TUBA4B: variants seen among roughly 807,000 people sequenced by gnomAD.
TUBA4B encodes tubulin alpha 4b, also known as tubulin-like protein alpha-4B.
In TUBA4B, 13 loss-of-function variants were observed where a neutral mutation model predicts 18.4. That is an observed-to-expected ratio of 0.71 (90% CI 0.46 to 1.12). The LOEUF is 1.12. TUBA4B is among the 50% of genes most tolerant of loss of function. TUBA4B has a pLI of 0.00. For synonymous variants in TUBA4B, 101 were observed against 99.1 expected (o/e 1.02, Z -0.11); for missense variants, 244 against 250.0 (o/e 0.98, Z 0.16).
intron 1 of TUBA4B, among the ~76,000 whole-genome samples, chr2:219,263,523 G>A (rs1382178556): frequency 6.6e-6 from 1 of 152,202 alleles, no homozygotes; most frequent in Non-Finnish European, 1.5e-5. Context: ...TTTGGAGTTG[G>A]TGATACCTAG....
intron 1 of TUBA4B, among the ~76,000 whole-genome samples, chr2:219,255,852 G>A (rs952941658): frequency 2.6e-5 from 4 of 152,138 alleles, no homozygotes; most frequent in African/African-American, 9.7e-5. Context: ...ACTAGTGATG[G>A]CAACTCTCTA....
intron 1 of TUBA4B, chr2:219,254,698 C>G (rs992335668): frequency 1.3e-5 from 2 of 152,364 alleles, no homozygotes; most frequent in East Asian, 3.9e-4. Flanking sequence ...GACCTCAGGA[C>G]CTGGATTCTC....
In TUBA4B at chr2:219,257,260, C is replaced by T. The variant is rs113969010; in HGVS notation, c.12+3841C>T. ...GTTTCACAGTGTTAGCCAGGATGGT[C>T]TCGATCTCCTGACCTCGTGATCCAC... On this transcript the variant is annotated intron_variant, in intron 1 of 3. Coordinates refer to ENST00000490341, the MANE Select transcript of TUBA4B (RefSeq NM_001355221.1). Among the ~76,000 whole-genome samples, 796 of 150,366 alleles carry T rather than the reference C, an allele frequency of 5.3e-3. 11 individuals carry two copies. The highest frequency in any genetic ancestry group is 0.018 in the African/African-American group (745 of 40,986).
intron 1 of TUBA4B, chr2:219,253,930 T>A: frequency 9.9e-7 from 1 of 1,008,052 alleles, no homozygotes; most frequent in Non-Finnish European, 1.3e-6. Context: ...CTAGCTGCAG[T>A]GCCGCACCGC....
At chr2:219,258,298 GTTTGT>G (rs1553572130) in intron 1 of TUBA4B, among the ~76,000 whole-genome samples, 4 of 151,638 alleles carry the variant, frequency 2.6e-5, no homozygotes, top group South Asian at 2.1e-4. Flanking sequence ...GCCTCATTTT[GTTTGT>G]TTTGTTTTGT....
chr2:219,257,641 C>CAAA (rs1158116997), intron 1 of TUBA4B, among the ~76,000 whole-genome samples: 10 of 41,492 alleles, frequency 2.4e-4, no homozygotes, highest in African/African-American at 6.8e-4. Context: ...GACACTGTCT[C>CAAA]AAAAAAAAAA....
At position 219,266,541 on chromosome 2, in the gene TUBA4B, C is replaced by A. The variant is rs1223038262; in HGVS notation, c.33C>A (p.Pro11=). ...TGCAGCAGACAGAGAGACAAGACCC[C>A]AGCCAGCCCCTGTCCAGGCAGCATG... is the stretch of plus-strand genomic sequence containing the variant. MRHQQTERQD[P]SQPLSRQHGT... The change falls in exon 2 of 4, where the codon CCC becomes CCA. Residue 11 remains proline (P), a synonymous_variant. Coordinates refer to ENST00000490341, the MANE Select transcript of TUBA4B (RefSeq NM_001355221.1). 1.4e-6 allele frequency: 1 copy of A among 703,050 alleles called. No individual in the cohort carries two copies. The highest frequency in any genetic ancestry group is 2.6e-6 in the Non-Finnish European group (1 of 384,992). The allele number at this position is 703,050 out of a possible 1,614,324, so 43.6% of individuals were successfully genotyped here.
chr2:219,265,704 T>C (rs1303194784), intron 1 of TUBA4B, among the ~76,000 whole-genome samples: 2 of 152,090 alleles, frequency 1.3e-5, no homozygotes, highest in African/African-American at 2.4e-5. Context: ...TATTTCAGAA[T>C]TTTGCCTAAG....
intron 2 of TUBA4B, among the ~76,000 whole-genome samples, chr2:219,268,588 T>C (rs1951806013): frequency 6.6e-6 from 1 of 152,196 alleles, no homozygotes; most frequent in Non-Finnish European, 1.5e-5. Context: ...AAGGAGAACA[T>C]TGACAAAGAG....
At chr2:219,259,464 G>A (rs1951747163) in intron 1 of TUBA4B, among the ~76,000 whole-genome samples, 1 of 152,006 alleles carries the variant, frequency 6.6e-6, no homozygotes, top group South Asian at 2.1e-4. Flanking sequence ...ATAAACTCTG[G>A]GTGAGTATGC....
rs60456844 is a variant in TUBA4B, at chr2:219,253,354, C to CG, written c.-44dup. 0.042 allele frequency: 53,486 copies of CG among 1,284,354 alleles called. 200 individuals are homozygous for CG. Among genetic ancestry groups the CG allele is most frequent in the African/African-American group, 0.084 (5,608 of 66,854 alleles). The allele number at this position is 1,284,354 out of a possible 1,614,324, so 79.6% of individuals were successfully genotyped here. A position where few individuals can be genotyped will look rare whatever the true frequency, so the allele number is the denominator to read the frequency against. On this transcript the variant is annotated 5_prime_UTR_variant, in exon 1 of 4. Transcript: ENST00000490341. ...AGCTCAGACGCGGGGTGCTGAGTCA[C>CG]GGGGGGGGGGTGGTTCTGTGGATAG...
intron 2 of TUBA4B, among the ~76,000 whole-genome samples, chr2:219,268,955 G>A (rs1446496492): frequency 5.9e-5 from 9 of 152,076 alleles, no homozygotes; most frequent in Non-Finnish European, 2.9e-5. Flanking sequence ...ACTTAGCCAG[G>A]CATGGTGGTG....
At chr2:219,270,389 T>C (rs1333965290) in intron 3 of TUBA4B, 54 bp downstream of exon 3, 3 of 700,086 alleles carry the variant, frequency 4.3e-6, no homozygotes, top group South Asian at 1.5e-5. Flanking sequence ...ATTCCTGTTG[T>C]GAGGTAGTCT....
At chr2:219,253,823 G>A in intron 1 of TUBA4B, 3 of 1,527,528 alleles carry the variant, frequency 2.0e-6, no homozygotes, top group Admixed American at 2.3e-5. Flanking sequence ...GGCAATTAGG[G>A]GACAGGCGCG....
At chr2:219,269,699 T>C (rs1951813756) in intron 2 of TUBA4B, among the ~76,000 whole-genome samples, 1 of 152,212 alleles carries the variant, frequency 6.6e-6, no homozygotes, top group Admixed American at 6.5e-5. Context: ...CTCTACTGCC[T>C]GGAACATAGG....
intron 1 of TUBA4B, among the ~76,000 whole-genome samples, chr2:219,260,968 T>G (rs1559280166): frequency 6.6e-6 from 1 of 151,750 alleles, no homozygotes; most frequent in Non-Finnish European, 1.5e-5. Context: ...AGACTTCATC[T>G]AAAAAAATAA....
chr2:219,262,688 T>A (rs1951766927), intron 1 of TUBA4B, among the ~76,000 whole-genome samples: 1 of 152,084 alleles, frequency 6.6e-6, no homozygotes, highest in African/African-American at 2.4e-5. Flanking sequence ...AAAAAAAATT[T>A]TTTTTTTTGT....
rs573236043 is a variant in TUBA4B, at chr2:219,271,964, C to G, written c.*265C>G. On this transcript the variant is annotated 3_prime_UTR_variant, in exon 4 of 4. Transcript: ENST00000490341. ...TCACTATGGCCTGGGCCCGCCTGGA[C>G]CACAAGTTTGACCTGATGTATGCCA... 1.8e-5 allele frequency: 27 copies of G among 1,522,726 alleles called. No individual in the cohort carries two copies. In the African/African-American group the frequency reaches 3.4e-4, roughly 19 times the overall value. 94.3% of individuals were successfully genotyped at this position (1,522,726 alleles called of 1,614,324 possible).
chr2:219,264,156 TA>T (rs1951775377), intron 1 of TUBA4B, among the ~76,000 whole-genome samples: 1 of 152,118 alleles, frequency 6.6e-6, no homozygotes. Context: ...TTAGGCACAG[TA>T]AGAGGTTAAG....
Sources: gnomAD v4.1 joint callset for allele counts (sites outside exome capture counted in the v4.1 genomes callset) on GRCh38, gnomAD v4.1.1 for gene constraint, MANE v1.5 for transcripts, NCBI Gene and HGNC (gene_info 2026-07-23, HGNC 2026-07-21) for gene names.